FAM149A: variants seen among roughly 807,000 people sequenced by gnomAD.
FAM149A encodes family with sequence similarity 149 member A.
In FAM149A, 71 loss-of-function variants were observed where a neutral mutation model predicts 78.2. The ratio of observed to expected loss-of-function variants is 0.91; its 90% CI spans 0.75 to 1.11. The LOEUF is 1.11. Among genes scored for constraint, FAM149A ranks in the 50% least tolerant of loss-of-function variants. FAM149A has a pLI of 0.00. For synonymous variants in FAM149A, 446 were observed against 410.5 expected, an observed-to-expected ratio of 1.09 and a Z score of -1.04; for missense variants, 1,036 against 971.0, an observed-to-expected ratio of 1.07 and a Z score of -0.89.
At position 186,144,709 on chromosome 4, in the gene FAM149A, C is replaced by T. The variant is rs1013451708; in HGVS notation, c.567-4464C>T. On this transcript the variant is annotated intron_variant, in intron 1 of 13. Transcript: ENST00000389354. The surrounding 1 kb of genome is among the most constrained non-coding windows in gnomAD (Gnocchi z 4.2). ...GCAGGGAGCGGGGAAGGCGCGCTTT[C>T]CCGGAGGTCGGCGCGGGGCCGGGGC... 1 of 698,056 alleles carries T rather than the reference C, an allele frequency of 1.4e-6. No homozygotes were observed. Among genetic ancestry groups the T allele is most frequent in the Non-Finnish European group, 1.7e-6 (1 of 575,978 alleles). The allele number at this position is 698,056 out of a possible 1,614,324, so 43.2% of individuals were successfully genotyped here.
intron 1 of FAM149A, among the ~76,000 whole-genome samples, chr4:186,112,257 A>G (rs1466309310): frequency 1.3e-5 from 2 of 151,084 alleles, no homozygotes; most frequent in African/African-American, 4.9e-5. Context: ...GTATCCTGAG[A>G]CTTCGCTGAA....
intron 1 of FAM149A, chr4:186,127,474 T>C (rs995597594): frequency 4.4e-5 from 43 of 985,306 alleles, no homozygotes; most frequent in South Asian, 9.4e-5. Context: ...CTCTCCAAAG[T>C]CTCACAGCTG....
At chr4:186,139,364 A>C (rs947056651) in intron 1 of FAM149A, among the ~76,000 whole-genome samples, 2 of 152,166 alleles carry the variant, frequency 1.3e-5, no homozygotes, top group Admixed American at 6.5e-5. Flanking sequence ...ATAGGTTGAA[A>C]TCTCTCTCCA....
intron 1 of FAM149A, among the ~76,000 whole-genome samples, chr4:186,106,956 AAAC>A (rs1322238198): frequency 3.3e-5 from 5 of 152,232 alleles, no homozygotes; most frequent in South Asian, 4.1e-4. Context: ...CGTCTCAAAA[AAAC>A]AACAACAAAA....
In FAM149A at chr4:186,130,293, C is replaced by CTCTCTCTCTCTCTCTCTCTCTCTATATA; in HGVS notation, c.567-18879_567-18878insCTCTCTCTCTCTCTCTCTCTCTATATAT. ...TCTCTCTCTCTCTCTCTCTCTCTCT[C>CTCTCTCTCTCTCTCTCTCTCTCTATATA]TATATATATATATATATATATAATC... On this transcript the variant is annotated intron_variant, in intron 1 of 13. Coordinates refer to ENST00000389354, the MANE Select transcript of FAM149A (RefSeq NM_001367768.3). The CTCTCTCTCTCTCTCTCTCTCTCTATATA allele has an allele frequency of 9.0e-4, 42 of 46,568 alleles. 1 individual carries two copies. The highest frequency in any genetic ancestry group is 1.4e-3 in the Non-Finnish European group (36 of 25,924). 2.9% of individuals were successfully genotyped at this position (46,568 alleles called of 1,614,324 possible).
rs560568246 is a variant in FAM149A, at chr4:186,149,071, C to T, written c.567-102C>T. The T allele has an allele frequency of 5.3e-5, 49 of 933,322 alleles. No individual in the cohort carries two copies. In the East Asian group the frequency reaches 1.4e-3, roughly 26 times the overall value. 57.8% of individuals were successfully genotyped at this position (933,322 alleles called of 1,614,324 possible). On this transcript the variant is annotated intron_variant, in intron 1 of 13. Coordinates refer to ENST00000389354, the MANE Select transcript of FAM149A (RefSeq NM_001367768.3). ...GTGGGTTTGGAGGGATGTGGCAGAA[C>T]GAGAGGAGCAACTTTGTATAAAAGA...
intron 8 of FAM149A, chr4:186,158,435 G>A (rs991651561): frequency 2.5e-5 from 29 of 1,159,024 alleles, no homozygotes; most frequent in East Asian, 6.0e-5. Flanking sequence ...CTGGGCATGC[G>A]TGACACCATC....
chr4:186,138,580 C>T (rs960525311), intron 1 of FAM149A, among the ~76,000 whole-genome samples: 4 of 152,140 alleles, frequency 2.6e-5, no homozygotes, highest in Admixed American at 2.6e-4. Flanking sequence ...CCTCAGTGTC[C>T]TCTGATCCGA....
intron 13 of FAM149A, among the ~76,000 whole-genome samples, chr4:186,171,520 A>C (rs1171702247): frequency 2.0e-5 from 3 of 152,198 alleles, no homozygotes; most frequent in African/African-American, 7.2e-5. Context: ...GATAGAAAAA[A>C]AAAGGAGCCA....
chr4:186,157,454 CA>C, intron 7 of FAM149A, 110 bp from the exon 8 acceptor site: 1 of 1,102,172 alleles, frequency 9.1e-7, no homozygotes, highest in South Asian at 1.5e-5. Context: ...GTGGCCGTAG[CA>C]TGGGCTCGTG....
intron 8 of FAM149A, chr4:186,158,639 C>T: frequency 1.8e-6 from 2 of 1,087,346 alleles, no homozygotes; most frequent in African/African-American, 1.7e-5. Flanking sequence ...GCACACACTG[C>T]CGCCCAGGTT....
rs141900902 is a variant in FAM149A at position 186,130,314 on chromosome 4, T to TATATATATATATATATATATATATAA, written c.567-18858_567-18857insTATATATATATATATATATATATAAA. On this transcript the variant is annotated intron_variant, in intron 1 of 13. Coordinates refer to ENST00000389354, the MANE Select transcript of FAM149A (RefSeq NM_001367768.3). Reference sequence around the variant, plus strand: ...CTCTCTATATATATATATATATATATAATCTATATCGACAGAACTAAAAGG... The same window carrying TATATATATATATATATATATATATAA: ...CTCTCTATATATATATATATATATATATATATATATATATATATATATATAAAATCTATATCGACAGAACTAAAAGG... Among the ~76,000 whole-genome samples the TATATATATATATATATATATATATAA allele has an allele frequency of 6.4e-4, 75 of 116,476 alleles. 1 individual carries two copies. Among genetic ancestry groups the TATATATATATATATATATATATATAA allele is most frequent in the Middle Eastern group, 9.1e-3 (2 of 220 alleles). 76.4% of individuals were successfully genotyped at this position (116,476 alleles called of 152,430 possible). A position where few individuals can be genotyped will look rare whatever the true frequency, so the allele number is the denominator to read the frequency against.
chr4:186,149,284 G>A lies in FAM149A; in HGVS notation c.677+1G>A. 7.8e-7 allele frequency: 1 copy of A among 1,284,202 alleles called. No homozygotes were observed. Among genetic ancestry groups the A allele is most frequent in the Non-Finnish European group, 1.0e-6 (1 of 987,498 alleles). 79.6% of individuals were successfully genotyped at this position (1,284,202 alleles called of 1,614,324 possible). On this transcript the variant is annotated splice_donor_variant, in intron 2 of 13. Transcript: ENST00000389354. LOFTEE classifies it high-confidence loss of function. ...AGAAAGCCATTGATAAATATACCTG[G>A]TAAGAATTCACCTTGCTTCAGATTA... is the stretch of plus-strand genomic sequence containing the variant.
At chr4:186,155,266 T>G (rs527885285) in intron 6 of FAM149A, among the ~76,000 whole-genome samples, 1 of 152,312 alleles carries the variant, frequency 6.6e-6, no homozygotes, top group East Asian at 1.9e-4. Flanking sequence ...GTGCCCAGCC[T>G]TGTATTTTGT....
At chr4:186,118,047 A>G in intron 1 of FAM149A, 1 of 985,426 alleles carries the variant, frequency 1.0e-6, no homozygotes, top group African/African-American at 1.7e-5. Flanking sequence ...GTCTAGGGAA[A>G]CATCTAGAGA....
intron 13 of FAM149A, chr4:186,167,478 T>C: frequency 1.7e-6 from 1 of 597,172 alleles, no homozygotes; most frequent in Non-Finnish European, 3.1e-6. Flanking sequence ...GAGGGGAATG[T>C]CCAAAAGCTC....
At position 186,110,135 on chromosome 4, in the gene FAM149A, A is replaced by G. The variant is rs1054694899; in HGVS notation, c.566+4493A>G. On this transcript the variant is annotated intron_variant, in intron 1 of 13. Transcript: ENST00000389354. ...ACACTTAAGGGAACACATGCCCATAAAAGACATTTAGCAAATATTTATTGA... is the reference window on the plus strand; with the variant it reads ...ACACTTAAGGGAACACATGCCCATAGAAGACATTTAGCAAATATTTATTGA... 7 of 985,304 alleles carry G rather than the reference A, an allele frequency of 7.1e-6. No individual in the cohort carries two copies. In the Admixed American group the frequency reaches 2.5e-4, roughly 35 times the overall value. The allele number at this position is 985,304 out of a possible 1,614,324, so 61.0% of individuals were successfully genotyped here.
At chr4:186,107,094 C>T (rs1179512102) in intron 1 of FAM149A, among the ~76,000 whole-genome samples, 1 of 152,172 alleles carries the variant, frequency 6.6e-6, no homozygotes, top group Non-Finnish European at 1.5e-5. Context: ...CACTGGAATA[C>T]ATATGCCTGA....
chr4:186,119,728 T>G (rs1441418640), intron 1 of FAM149A, among the ~76,000 whole-genome samples: 1 of 152,230 alleles, frequency 6.6e-6, no homozygotes, highest in African/African-American at 2.4e-5. Flanking sequence ...ATAATTCTAT[T>G]TCAGAGAATG....
Sources: allele counts gnomAD v4.1 joint callset (sites outside exome capture counted in the v4.1 genomes callset), GRCh38; gene constraint gnomAD v4.1.1; non-coding constraint Gnocchi (gnomAD v3.1); transcripts MANE v1.5; gene names NCBI Gene and HGNC (gene_info 2026-07-23, HGNC 2026-07-21).